Variants in PTPRT observed in about 807,000 individuals in gnomAD.
PTPRT encodes protein tyrosine phosphatase receptor type T, also known as receptor-type tyrosine-protein phosphatase T.
Under a neutral mutation model 176.8 loss-of-function variants are expected in PTPRT, and 56 were observed. The observed-to-expected ratio is 0.32, with a 90% CI of 0.26 to 0.40. The LOEUF is 0.40. Among genes scored for constraint, PTPRT ranks in the 10% least tolerant of loss-of-function variants. The probability of loss-of-function intolerance (pLI) is 1.00; values close to 1 mark genes in which losing one functional copy is unlikely to be tolerated. For missense variants in PTPRT, 1,540 were observed against 1,908.2 expected (o/e 0.81, Z 3.60); for synonymous variants, 783 against 739.0 (o/e 1.06, Z -0.96).
At chr20:42,542,657 T>C (rs2072604524) in intron 7 of PTPRT, among the ~76,000 whole-genome samples, 1 of 152,220 alleles carries the variant, frequency 6.6e-6, no homozygotes. Context: ...CAAAGAATTC[T>C]ACTTCTAAGA....
chr20:42,633,057 T>C (rs1451047806), intron 7 of PTPRT, among the ~76,000 whole-genome samples: 2 of 152,178 alleles, frequency 1.3e-5, no homozygotes, highest in Non-Finnish European at 2.9e-5. Flanking sequence ...TCTATCTTCA[T>C]TTGCTATACA....
intron 2 of PTPRT, among the ~76,000 whole-genome samples, chr20:42,857,745 G>A (rs977657243): frequency 2.6e-5 from 4 of 152,082 alleles, no homozygotes; most frequent in Admixed American, 1.3e-4. Context: ...ATCCAACATC[G>A]TACTTATTCA....
intron 13 of PTPRT, among the ~76,000 whole-genome samples, chr20:42,271,168 C>A (rs1223709599): frequency 6.6e-6 from 1 of 152,126 alleles, no homozygotes; most frequent in Non-Finnish European, 1.5e-5. Flanking sequence ...CTCCTGCCCA[C>A]CCCTCTGGTC....
intron 9 of PTPRT, among the ~76,000 whole-genome samples, chr20:42,400,552 C>G (rs1171336127): frequency 6.6e-6 from 1 of 151,984 alleles, no homozygotes; most frequent in Admixed American, 6.6e-5. Flanking sequence ...AGGAAAGACA[C>G]CACCAAGAAG....
At chr20:43,171,411 A>G (rs2014997116) in intron 1 of PTPRT, among the ~76,000 whole-genome samples, 1 of 152,246 alleles carries the variant, frequency 6.6e-6, no homozygotes, top group African/African-American at 2.4e-5. Context: ...TATGGAGCAC[A>G]AATTCCAGTA....
chr20:42,262,237 G>A (rs1042056053), intron 13 of PTPRT, among the ~76,000 whole-genome samples: 1 of 152,194 alleles, frequency 6.6e-6, no homozygotes, highest in African/African-American at 2.4e-5. Context: ...CTCCCCAAAG[G>A]ATGGATGGAA....
At position 42,077,264 on chromosome 20, in the gene PTPRT, G is replaced by A. The variant is rs1982868798; in HGVS notation, c.*3615C>T. 1 of 186,718 alleles carries A rather than the reference G, an allele frequency of 5.4e-6. No individual in the cohort carries two copies. Among genetic ancestry groups the A allele is most frequent in the South Asian group, 2.0e-4 (1 of 5,126 alleles). 11.6% of individuals were successfully genotyped at this position (186,718 alleles called of 1,614,324 possible). A position where few individuals can be genotyped will look rare whatever the true frequency, so the allele number is the denominator to read the frequency against. ...CTACTGTGGCCTTCTAGAGGCCCAA[G>A]GACCCCTGGTTGGCCCAGATTCTTC... On this transcript the variant is annotated 3_prime_UTR_variant, in exon 31 of 31. Coordinates refer to ENST00000373187, the MANE Select transcript of PTPRT (RefSeq NM_007050.6).
intron 6 of PTPRT, among the ~76,000 whole-genome samples, chr20:42,749,199 C>T (rs1307666775): frequency 6.6e-6 from 1 of 152,154 alleles, no homozygotes; most frequent in African/African-American, 2.4e-5. Context: ...GTCACAGCCC[C>T]TAGACTACTA....
At chr20:42,294,846 C>T (rs2057365965) in intron 12 of PTPRT, among the ~76,000 whole-genome samples, 2 of 151,890 alleles carry the variant, frequency 1.3e-5, no homozygotes, top group South Asian at 4.1e-4. Context: ...AAGATCACCT[C>T]AGAAATGAAG....
At chr20:42,633,922 A>G (rs1183954834) in intron 7 of PTPRT, among the ~76,000 whole-genome samples, 2 of 55,608 alleles carry the variant, frequency 3.6e-5, no homozygotes, top group African/African-American at 7.2e-5. Context: ...AATTATATAT[A>G]ATATATTATA....
rs148559852 is a variant in PTPRT, at chr20:42,891,265, A to T, written c.89-5333T>A. On this transcript the variant is annotated intron_variant, in intron 1 of 30. Transcript: ENST00000373187. ...AACCCAAAAAATCTACCCCCATCCC[A>T]GGAGCTGGGCTCAGCTGAGGTTTGG... 2.3e-3 allele frequency among the ~76,000 whole-genome samples: 354 copies of T among 152,296 alleles called. 3 individuals carry two copies. Among genetic ancestry groups the T allele is most frequent in the African/African-American group, 8.3e-3 (343 of 41,562 alleles).
rs1253751136 is a variant in PTPRT at position 42,952,076 on chromosome 20, G to T, written c.89-66144C>A. 5.9e-5 allele frequency among the ~76,000 whole-genome samples: 9 copies of T among 152,322 alleles called. No individual in the cohort carries two copies. The East Asian group carries it at 1.5e-3, about 26-fold the overall frequency. On this transcript the variant is annotated intron_variant, in intron 1 of 30. Coordinates refer to ENST00000373187, the MANE Select transcript of PTPRT (RefSeq NM_007050.6). ...GGTTAAACAGTAGTCAGAAGGTCGAGAGAGACTCAAAGGCATAGCAGGGCA... is the reference window on the plus strand; with the variant it reads ...GGTTAAACAGTAGTCAGAAGGTCGATAGAGACTCAAAGGCATAGCAGGGCA...
intron 8 of PTPRT, among the ~76,000 whole-genome samples, chr20:42,467,454 T>C (rs2071119706): frequency 6.6e-6 from 1 of 152,202 alleles, no homozygotes; most frequent in Non-Finnish European, 1.5e-5. Context: ...TTGCCAAAGA[T>C]ATACGGAACC....
At chr20:42,636,519 C>T (rs1394045016) in intron 7 of PTPRT, among the ~76,000 whole-genome samples, 3 of 152,058 alleles carry the variant, frequency 2.0e-5, no homozygotes, top group Non-Finnish European at 2.9e-5. Flanking sequence ...GATGCAGTGG[C>T]TCACACCTGT....
chr20:43,002,847 G>A (rs937142124), intron 1 of PTPRT, among the ~76,000 whole-genome samples: 9 of 151,284 alleles, frequency 5.9e-5, no homozygotes, highest in African/African-American at 1.9e-4. Context: ...CAGAAAGAGA[G>A]GCTTAATAAA....
chr20:42,071,306 A>C (rs1046764228), downstream of PTPRT, among the ~76,000 whole-genome samples: 1 of 152,204 alleles, frequency 6.6e-6, no homozygotes, highest in Non-Finnish European at 1.5e-5. Flanking sequence ...ATCCAGAAGA[A>C]AATAGAGGAC....
At chr20:42,864,139 C>A (rs2078705759) in intron 2 of PTPRT, among the ~76,000 whole-genome samples, 2 of 152,220 alleles carry the variant, frequency 1.3e-5, no homozygotes, top group Non-Finnish European at 1.5e-5. Flanking sequence ...GGCGTTTCTG[C>A]CCCAGGCCAG....
Position 42,213,840 on chromosome 20 carries a change from C to T in PTPRT, c.2343-14452G>A, listed in dbSNP as rs1355942891. ...CAACACCTTGATTTTGGATTTATAG[C>T]TTCTAAAATTATGAGAGGACAAATT... On this transcript the variant is annotated intron_variant, in intron 15 of 30. Coordinates refer to ENST00000373187, the MANE Select transcript of PTPRT (RefSeq NM_007050.6). Among the ~76,000 whole-genome samples the T allele has an allele frequency of 3.3e-5, 5 of 152,118 alleles. No individual in the cohort carries two copies. The South Asian group carries it at 6.2e-4, about 19-fold the overall frequency.
At chr20:43,168,355 C>T (rs1265156670) in intron 1 of PTPRT, among the ~76,000 whole-genome samples, 2 of 152,156 alleles carry the variant, frequency 1.3e-5, no homozygotes, top group Non-Finnish European at 2.9e-5. Flanking sequence ...CAGCACCTGG[C>T]CTGTCTTGCC....
Sources: gnomAD v4.1 joint callset for allele counts (sites outside exome capture counted in the v4.1 genomes callset) on GRCh38, gnomAD v4.1.1 for gene constraint, MANE v1.5 for transcripts, NCBI Gene and HGNC (gene_info 2026-07-23, HGNC 2026-07-21) for gene names.